TMEM229A: variants seen among roughly 807,000 people sequenced by gnomAD.
TMEM229A encodes the protein transmembrane protein 229A.
A neutral mutation model predicts 30.0 loss-of-function variants in TMEM229A; 23 were observed. The ratio of observed to expected loss-of-function variants is 0.77; its 90% CI spans 0.55 to 1.09. The LOEUF is 1.09. Ranked by LOEUF, TMEM229A falls within the 50% of genes least tolerant of loss-of-function variation. The pLI is 0.00. For synonymous variants in TMEM229A, 264 were observed against 241.5 expected, an observed-to-expected ratio of 1.09 and a Z score of -0.86; for missense variants, 534 against 525.9, an observed-to-expected ratio of 1.02 and a Z score of -0.15.
rs1458293618 is a variant in TMEM229A, at chr7:124,031,792, G to A, written c.*69C>T. ...AAAAAACCCACTTCATTTTAAATGTGTAAAAATAAATCGCATCCATTCGTG... is the reference window on the plus strand; with the variant it reads ...AAAAAACCCACTTCATTTTAAATGTATAAAAATAAATCGCATCCATTCGTG... On this transcript the variant is annotated 3_prime_UTR_variant, in exon 1 of 1. Transcript: ENST00000455783. The surrounding 1 kb of genome is among the most constrained non-coding windows in gnomAD (Gnocchi z 4.1). 7.8e-6 allele frequency: 11 copies of A among 1,415,810 alleles called. No individual in the cohort carries two copies. The highest frequency in any genetic ancestry group is 1.8e-4 in the Middle Eastern group (1 of 5,474). The allele number at this position is 1,415,810 out of a possible 1,614,324, so 87.7% of individuals were successfully genotyped here.
Position 124,032,347 on chromosome 7 carries a change from G to T in TMEM229A, c.657C>A (p.Ala219=). The T allele has an allele frequency of 6.5e-7, 1 of 1,542,006 alleles. No individual in the cohort carries two copies. Among genetic ancestry groups the T allele is most frequent in the African/African-American group, 1.4e-5 (1 of 72,544 alleles). The change falls in exon 1 of 1, where the codon GCC becomes GCA. Residue 219 remains alanine, a synonymous_variant. Coordinates refer to ENST00000455783, the MANE Select transcript of TMEM229A (RefSeq NM_001136002.2). This position sits in a 1 kb window ranked among gnomAD's most constrained non-coding sequence, Gnocchi z 6.6. ...PGARVPTAAG[A]RRRRPRGPRG... ...TGGGGCCACGGGGTCGTCGCCGCCG[G>T]GCTCCGGCCGCAGTAGGGACCCGGG...
chr7:124,031,707 T>G lies in TMEM229A; in HGVS notation c.*154A>C. ...ATACACGGGTTTCAAATAGAAAAACTAAAAGGTGGAATAAAACAATTTGGA... is the reference window on the plus strand; with the variant it reads ...ATACACGGGTTTCAAATAGAAAAACGAAAAGGTGGAATAAAACAATTTGGA... On this transcript the variant is annotated 3_prime_UTR_variant, in exon 1 of 1. Coordinates refer to ENST00000455783, the MANE Select transcript of TMEM229A (RefSeq NM_001136002.2). The surrounding 1 kb of genome is among the most constrained non-coding windows in gnomAD (Gnocchi z 4.1). The G allele has an allele frequency of 1.3e-6, 1 of 770,068 alleles. No individual in the cohort carries two copies. The highest frequency in any genetic ancestry group is 2.0e-6 in the Non-Finnish European group (1 of 509,682). 47.7% of individuals were successfully genotyped at this position (770,068 alleles called of 1,614,324 possible).
chr7:124,032,355 C>G lies in TMEM229A; in HGVS notation c.649G>C (p.Ala217Pro). The change falls in exon 1 of 1, where the codon GCC becomes CCC. Residue 217 changes from alanine (A) to proline (P), a missense_variant. Ala to Pro is a conservative substitution (Grantham distance 27). Coordinates refer to ENST00000455783, the MANE Select transcript of TMEM229A (RefSeq NM_001136002.2). This position sits in a 1 kb window ranked among gnomAD's most constrained non-coding sequence, Gnocchi z 6.6. The part of the protein sequence containing the change: ...VPPGARVPTA[A>P]GARRRRPRGP... ...CGGGGTCGTCGCCGCCGGGCTCCGGCCGCAGTAGGGACCCGGGCGCCGGGA... is the reference window on the plus strand; with the variant it reads ...CGGGGTCGTCGCCGCCGGGCTCCGGGCGCAGTAGGGACCCGGGCGCCGGGA... The G allele has an allele frequency of 6.5e-7, 1 of 1,542,258 alleles. No individual in the cohort carries two copies. Among genetic ancestry groups the G allele is most frequent in the Non-Finnish European group, 8.7e-7 (1 of 1,143,906 alleles).
chr7:124,032,217 T>G lies in TMEM229A; in HGVS notation c.787A>C (p.Asn263His). The G allele has an allele frequency of 1.9e-6, 3 of 1,551,608 alleles. No homozygotes were observed. The highest frequency in any genetic ancestry group is 2.6e-6 in the Non-Finnish European group (3 of 1,146,984). Residue 263 changes from asparagine (N) to histidine (H), a missense_variant, in exon 1 of 1, where the codon AAC (asparagine) becomes CAC (histidine). Transcript: ENST00000455783. This position sits in a 1 kb window ranked among gnomAD's most constrained non-coding sequence, Gnocchi z 6.6. Reference protein sequence around the residue: ...LDEIFFTFFFNVLGQGDGTTS... With the variant: ...LDEIFFTFFFHVLGQGDGTTS... ...GTCCCGTCCCCCTGCCCCAGTACGT[T>G]GAAGAAGAAGGTGAAGAAGATCTCA...
In TMEM229A at chr7:124,032,342, C is replaced by A. The variant is rs751932615; in HGVS notation, c.662G>T (p.Arg221Leu). The A allele has an allele frequency of 1.7e-4, 265 of 1,542,284 alleles. No individual in the cohort carries two copies. Among genetic ancestry groups the A allele is most frequent in the Non-Finnish European group, 2.2e-4 (248 of 1,143,874 alleles). The change falls in exon 1 of 1, where the codon CGG becomes CTG. Residue 221 changes from arginine (R) to leucine (L), a missense_variant. Coordinates refer to ENST00000455783, the MANE Select transcript of TMEM229A (RefSeq NM_001136002.2). This position sits in a 1 kb window ranked among gnomAD's most constrained non-coding sequence, Gnocchi z 6.6. ...ARVPTAAGAR[R>L]RRPRGPRGAG... Reference sequence around the variant, plus strand: ...GCCCCTGGGGCCACGGGGTCGTCGCCGCCGGGCTCCGGCCGCAGTAGGGAC... The same window carrying A: ...GCCCCTGGGGCCACGGGGTCGTCGCAGCCGGGCTCCGGCCGCAGTAGGGAC...
rs1354173677 is a variant in TMEM229A, at chr7:124,032,917, G to A, written c.87C>T (p.Ser29=). The change falls in exon 1 of 1, where the codon AGC becomes AGT. Residue 29 remains serine, a synonymous_variant. Coordinates refer to ENST00000455783, the MANE Select transcript of TMEM229A (RefSeq NM_001136002.2). The surrounding 1 kb of genome is among the most constrained non-coding windows in gnomAD (Gnocchi z 6.6). The stretch of plus-strand genomic sequence containing the variant: ...GCTCCGGGCAGCCGGCTGCCGCCTC[G>A]CTTCCTGGCCCGCCAGGGGCCCCCG... The part of the protein sequence containing the change: ...RRPGAPGGPG[S]EAAAGCPEPL... 3 of 1,399,716 alleles carry A rather than the reference G, an allele frequency of 2.1e-6. No homozygotes were observed. Among genetic ancestry groups the A allele is most frequent in the Non-Finnish European group, 2.8e-6 (3 of 1,077,524 alleles). 86.7% of individuals were successfully genotyped at this position (1,399,716 alleles called of 1,614,324 possible). A position where few individuals can be genotyped will look rare whatever the true frequency, so the allele number is the denominator to read the frequency against.
Position 124,032,678 on chromosome 7 carries a change from A to C in TMEM229A, c.326T>G (p.Leu109Arg). ...GGCGTTGGGACAGCGCCGCTGCTGC[A>C]GGTACACCTTCTCCAGGGCGAAATG... ...LTHFALEKVY[L>R]QQRRCPNAFV... Residue 109 changes from leucine to arginine, a missense_variant, in exon 1 of 1, where the codon CTG becomes CGG. Leu to Arg is a moderately radical substitution (Grantham distance 102). Transcript: ENST00000455783. The surrounding 1 kb of genome is among the most constrained non-coding windows in gnomAD (Gnocchi z 6.6). The C allele has an allele frequency of 6.4e-7, 1 of 1,551,488 alleles. No individual in the cohort carries two copies. Among genetic ancestry groups the C allele is most frequent in the Non-Finnish European group, 8.7e-7 (1 of 1,146,878 alleles).
In TMEM229A at chr7:124,031,500, A is replaced by G. The variant is rs1793132609; in HGVS notation, c.*361T>C. Reference sequence around the variant, plus strand: ...TTAAAGATCCCCCCCCGCCAAAAAAAAAAAAATTAGTAGCTGTCACTCATC... The same window carrying G: ...TTAAAGATCCCCCCCCGCCAAAAAAGAAAAAATTAGTAGCTGTCACTCATC... On this transcript the variant is annotated 3_prime_UTR_variant, in exon 1 of 1. Transcript: ENST00000455783. The surrounding 1 kb of genome is among the most constrained non-coding windows in gnomAD (Gnocchi z 4.1). 6.0e-6 allele frequency: 1 copy of G among 167,124 alleles called. No individual in the cohort carries two copies. Among genetic ancestry groups the G allele is most frequent in the Non-Finnish European group, 1.3e-5 (1 of 78,616 alleles). 10.4% of individuals were successfully genotyped at this position (167,124 alleles called of 1,614,324 possible).
chr7:124,031,823 C>A lies in TMEM229A; in HGVS notation c.*38G>T. 1 of 1,457,038 alleles carries A rather than the reference C, an allele frequency of 6.9e-7. No homozygotes were observed. The highest frequency in any genetic ancestry group is 9.1e-7 in the Non-Finnish European group (1 of 1,101,888). 90.3% of individuals were successfully genotyped at this position (1,457,038 alleles called of 1,614,324 possible). On this transcript the variant is annotated 3_prime_UTR_variant, in exon 1 of 1. Coordinates refer to ENST00000455783, the MANE Select transcript of TMEM229A (RefSeq NM_001136002.2). This position sits in a 1 kb window ranked among gnomAD's most constrained non-coding sequence, Gnocchi z 4.1. ...ATAAATCGCATCCATTCGTGGGAAT[C>A]CAGTGACTTTTTCCTTTTCTTTCTT...
Position 124,032,962 on chromosome 7 carries a change from C to A in TMEM229A, c.42G>T (p.Arg14Ser). The change falls in exon 1 of 1, where the codon AGG (arginine) becomes AGT (serine). Residue 14 changes from arginine to serine, a missense_variant. Transcript: ENST00000455783. This position sits in a 1 kb window ranked among gnomAD's most constrained non-coding sequence, Gnocchi z 6.6. ...CCCCCGGACGCCGCGCCGCGCCGCC[C>A]CTCCGTGCGGGGCCCTCGCTGTCCA... ...SDVDSEGPAR[R>S]GGAARRPGAP... The A allele has an allele frequency of 7.5e-7, 1 of 1,330,664 alleles. No homozygotes were observed. Among genetic ancestry groups the A allele is most frequent in the South Asian group, 2.1e-5 (1 of 48,490 alleles). 82.4% of individuals were successfully genotyped at this position (1,330,664 alleles called of 1,614,324 possible).
At position 124,031,288 on chromosome 7, in the gene TMEM229A, C is replaced by T. The variant is rs1224189232; in HGVS notation, c.*573G>A. ...TTTCACATTTTTCAGCCTCTTTTCA[C>T]TTGTGTGCTAGACGGAGGCACTTTA... On this transcript the variant is annotated 3_prime_UTR_variant, in exon 1 of 1. Transcript: ENST00000455783. The surrounding 1 kb of genome is among the most constrained non-coding windows in gnomAD (Gnocchi z 4.1). The T allele has an allele frequency of 6.6e-6, 1 of 152,212 alleles. No homozygotes were observed. Among genetic ancestry groups the T allele is most frequent in the Non-Finnish European group, 1.5e-5 (1 of 68,048 alleles). The allele number at this position is 152,212 out of a possible 1,614,324, so 9.4% of individuals were successfully genotyped here. A position where few individuals can be genotyped will look rare whatever the true frequency, so the allele number is the denominator to read the frequency against.
Position 124,032,772 on chromosome 7 carries a change from C to T in TMEM229A, c.232G>A (p.Ala78Thr). 6.4e-7 allele frequency: 1 copy of T among 1,551,160 alleles called. No homozygotes were observed. Among genetic ancestry groups the T allele is most frequent in the South Asian group, 1.2e-5 (1 of 84,042 alleles). ...DVLVSSARRF[A>T]RSPDLRMLGF... Reference sequence around the variant, plus strand: ...AGCATCCGCAGGTCCGGGCTGCGGGCGAAGCGCCGGGCCGAGGACACCAGC... The same window carrying T: ...AGCATCCGCAGGTCCGGGCTGCGGGTGAAGCGCCGGGCCGAGGACACCAGC... The change falls in exon 1 of 1, where the codon GCC becomes ACC. Residue 78 changes from alanine to threonine, a missense_variant. Coordinates refer to ENST00000455783, the MANE Select transcript of TMEM229A (RefSeq NM_001136002.2). This position sits in a 1 kb window ranked among gnomAD's most constrained non-coding sequence, Gnocchi z 6.6.
chr7:124,032,628 G>T lies in TMEM229A; in HGVS notation c.376C>A (p.Pro126Thr). ...NAFVFNFLLY[P>T]SAHVGLQTLA... The stretch of plus-strand genomic sequence containing the variant: ...GTCTGCAGCCCCACGTGGGCCGAGG[G>T]GTAGAGGAGGAAATTGAAGACGAAG... The change falls in exon 1 of 1, where the codon CCC (proline) becomes ACC (threonine). Residue 126 changes from proline (P) to threonine (T), a missense_variant. Physicochemically the swap from Pro to Thr is conservative, Grantham distance 38. Transcript: ENST00000455783. The surrounding 1 kb of genome is among the most constrained non-coding windows in gnomAD (Gnocchi z 6.6). 4 of 1,551,280 alleles carry T rather than the reference G, an allele frequency of 2.6e-6. No homozygotes were observed. The highest frequency in any genetic ancestry group is 3.5e-6 in the Non-Finnish European group (4 of 1,146,792).
rs905672349 is a variant in TMEM229A, at chr7:124,032,891, G to A, written c.113C>T (p.Pro38Leu). ...AGCCGGCGCTTCAGCAGTGGACAGCGGCTCCGGGCAGCCGGCTGCCGCCTC... is the reference window on the plus strand; with the variant it reads ...AGCCGGCGCTTCAGCAGTGGACAGCAGCTCCGGGCAGCCGGCTGCCGCCTC... The part of the protein sequence containing the change: ...GSEAAAGCPE[P>L]LSTAEAPAES... Residue 38 changes from proline to leucine, a missense_variant, in exon 1 of 1, where the codon CCG becomes CTG. By Grantham distance (98) the Pro-to-Leu change is moderately conservative (BLOSUM62 -3). Coordinates refer to ENST00000455783, the MANE Select transcript of TMEM229A (RefSeq NM_001136002.2). The surrounding 1 kb of genome is among the most constrained non-coding windows in gnomAD (Gnocchi z 6.6). 4.1e-6 allele frequency: 6 copies of A among 1,471,702 alleles called. No individual in the cohort carries two copies. Among genetic ancestry groups the A allele is most frequent in the Admixed American group, 4.9e-5 (2 of 41,028 alleles). The allele number at this position is 1,471,702 out of a possible 1,614,324, so 91.2% of individuals were successfully genotyped here.
chr7:124,031,774 C>A lies in TMEM229A; in HGVS notation c.*87G>T. On this transcript the variant is annotated 3_prime_UTR_variant, in exon 1 of 1. Transcript: ENST00000455783. The surrounding 1 kb of genome is among the most constrained non-coding windows in gnomAD (Gnocchi z 4.1). The stretch of plus-strand genomic sequence containing the variant: ...TATAAAAATTAAAGGACTAAAAAAC[C>A]CACTTCATTTTAAATGTGTAAAAAT... 7 of 1,343,272 alleles carry A rather than the reference C, an allele frequency of 5.2e-6. No homozygotes were observed. Among genetic ancestry groups the A allele is most frequent in the South Asian group, 3.4e-5 (2 of 59,248 alleles). 83.2% of individuals were successfully genotyped at this position (1,343,272 alleles called of 1,614,324 possible).
In TMEM229A at chr7:124,032,418, GC is replaced by G; in HGVS notation, c.585del (p.Gln195HisfsTer120). 1 of 1,545,094 alleles carries G rather than the reference GC, an allele frequency of 6.5e-7. No individual in the cohort carries two copies. Among genetic ancestry groups the G allele is most frequent in the African/African-American group, 1.4e-5 (1 of 72,418 alleles). On this transcript the variant is annotated frameshift_variant, in exon 1 of 1. Coordinates refer to ENST00000455783, the MANE Select transcript of TMEM229A (RefSeq NM_001136002.2). LOFTEE classifies it high-confidence loss of function. This position sits in a 1 kb window ranked among gnomAD's most constrained non-coding sequence, Gnocchi z 6.6. ...GCGCCCCTCCGCTGCTGCTGCTGCT[GC>G]TGCTGCTGCTGTTGCTGCTGCCGCC... The part of the protein sequence containing the change: ...QRRRQQQQQQ[Q>X]QQQQQRRGAL...
In TMEM229A at chr7:124,032,979, C is replaced by G; in HGVS notation, c.25G>C (p.Glu9Gln). 7.7e-7 allele frequency: 1 copy of G among 1,302,296 alleles called. No homozygotes were observed. Among genetic ancestry groups the G allele is most frequent in the Non-Finnish European group, 9.7e-7 (1 of 1,031,508 alleles). 80.7% of individuals were successfully genotyped at this position (1,302,296 alleles called of 1,614,324 possible). ...GCGCCGCCCCTCCGTGCGGGGCCCT[C>G]GCTGTCCACGTCGCTCCCCGCCATG... Reference protein sequence around the residue: MAGSDVDSEGPARRGGAAR... With the variant: MAGSDVDSQGPARRGGAAR... The change falls in exon 1 of 1, where the codon GAG becomes CAG. Residue 9 changes from glutamate (E) to glutamine (Q), a missense_variant. Transcript: ENST00000455783. This position sits in a 1 kb window ranked among gnomAD's most constrained non-coding sequence, Gnocchi z 6.6.
rs71163719 is a variant in TMEM229A, at chr7:124,032,402, CGCTGCTGCTGCT to C, written c.590_601del (p.Gln197_Gln200del). On this transcript the variant is annotated inframe_deletion, in exon 1 of 1. Coordinates refer to ENST00000455783, the MANE Select transcript of TMEM229A (RefSeq NM_001136002.2). The surrounding 1 kb of genome is among the most constrained non-coding windows in gnomAD (Gnocchi z 6.6). ...GGGAGGGACGGGGAGCGCGCCCCTC[CGCTGCTGCTGCT>C]GCTGCTGCTGCTGCTGTTGCTGCTG... The C allele has an allele frequency of 1.3e-4, 195 of 1,539,122 alleles. 1 individual carries two copies. Among genetic ancestry groups the C allele is most frequent in the South Asian group, 8.0e-4 (67 of 83,416 alleles).
In TMEM229A at chr7:124,031,810, C is replaced by A. The variant is rs1044618909; in HGVS notation, c.*51G>T. 2 of 1,438,120 alleles carry A rather than the reference C, an allele frequency of 1.4e-6. No homozygotes were observed. The highest frequency in any genetic ancestry group is 2.8e-5 in the Admixed American group (1 of 35,604). The allele number at this position is 1,438,120 out of a possible 1,614,324, so 89.1% of individuals were successfully genotyped here. On this transcript the variant is annotated 3_prime_UTR_variant, in exon 1 of 1. Coordinates refer to ENST00000455783, the MANE Select transcript of TMEM229A (RefSeq NM_001136002.2). This position sits in a 1 kb window ranked among gnomAD's most constrained non-coding sequence, Gnocchi z 4.1. Reference sequence around the variant, plus strand: ...TAAATGTGTAAAAATAAATCGCATCCATTCGTGGGAATCCAGTGACTTTTT... The same window carrying A: ...TAAATGTGTAAAAATAAATCGCATCAATTCGTGGGAATCCAGTGACTTTTT...
Sources: gnomAD v4.1 joint callset for allele counts on GRCh38, gnomAD v4.1.1 for gene constraint, Gnocchi (gnomAD v3.1) non-coding constraint, MANE v1.5 for transcripts, NCBI Gene and HGNC (gene_info 2026-07-23, HGNC 2026-07-21) for gene names.